MZT2B: variants seen among roughly 807,000 people sequenced by gnomAD.
The protein encoded by MZT2B is mitotic spindle organizing protein 2B.
A neutral mutation model predicts 12.1 loss-of-function variants in MZT2B; 11 were observed. The ratio of observed to expected loss-of-function variants is 0.91; its 90% CI spans 0.57 to 1.50. MZT2B has a LOEUF of 1.50. Ranked by LOEUF, MZT2B falls within the 40% of genes most tolerant of loss-of-function variation. MZT2B has a pLI of 0.00. For missense variants in MZT2B, 209 were observed against 227.7 expected (o/e 0.92, Z 0.53); for synonymous variants, 85 against 109.5 (o/e 0.78, Z 1.40).
At chr2:130,194,022 G>A (rs760380783), downstream of MZT2B, 3 of 1,614,224 alleles carry the variant, frequency 1.9e-6, no homozygotes, top group Non-Finnish European at 2.5e-6. Flanking sequence ...GAGATGACTG[G>A]GGCGTAGGTG....
At chr2:130,181,701 G>C (rs917723794), upstream of MZT2B, 6 of 1,548,478 alleles carry the variant, frequency 3.9e-6, no homozygotes, top group African/African-American at 2.7e-5. Context: ...GCGAAGGCCG[G>C]CCGGGCGGGG....
chr2:130,193,252 AAAAT>A (rs1044147043), downstream of MZT2B, among the ~76,000 whole-genome samples: 4 of 151,914 alleles, frequency 2.6e-5, no homozygotes, highest in South Asian at 2.1e-4. Flanking sequence ...CCTGTCTCAA[AAAAT>A]AAATAAATAA....
rs17017149 is a variant in MZT2B, at chr2:130,182,414, G to T, written c.132G>T (p.Ala44=). 5.2e-5 allele frequency: 82 copies of T among 1,564,774 alleles called. No individual in the cohort carries two copies. In the African/African-American group the frequency reaches 9.1e-4, roughly 17 times the overall value. Residue 44 remains alanine, a synonymous_variant, in exon 1 of 3, where the codon GCG becomes GCT. Coordinates refer to ENST00000281871, the MANE Select transcript of MZT2B (RefSeq NM_025029.5). The part of the protein sequence containing the change: ...STEEMELYEL[A]QAAGGAIDPD... ...AGGAGATGGAGCTGTACGAGCTGGC[G>T]CAGGCGGCGGGCGGCGCTATCGACC...
At chr2:130,188,113 C>G (rs1341896361) in intron 2 of MZT2B, 1 of 152,100 alleles carries the variant, frequency 6.6e-6, no homozygotes, top group Non-Finnish European at 1.5e-5. Flanking sequence ...TCCCTCTCAT[C>G]CTTGTTTCCA....
rs1198868478 is a variant in MZT2B at position 130,186,963 on chromosome 2, TC to T, written c.320-3503del. Among the ~76,000 whole-genome samples, 3 of 122,342 alleles carry T rather than the reference TC, an allele frequency of 2.5e-5. 1 individual carries two copies. The highest frequency in any genetic ancestry group is 9.0e-5 in the Admixed American group (1 of 11,126). 80.3% of individuals were successfully genotyped at this position (122,342 alleles called of 152,430 possible). A position where few individuals can be genotyped will look rare whatever the true frequency, so the allele number is the denominator to read the frequency against. ...GCTGGGCATTGGTTCACACCTGTAA[TC>T]CCAGCACTTTGGGAGGCTGAGGCAG... On this transcript the variant is annotated intron_variant, in intron 2 of 2. Transcript: ENST00000281871.
chr2:130,191,008 G>T (rs1356065039), downstream of MZT2B, among the ~76,000 whole-genome samples: 3 of 152,100 alleles, frequency 2.0e-5, no homozygotes, highest in Non-Finnish European at 4.4e-5. Context: ...GGAGTGCAGT[G>T]GTGCGATCTC....
chr2:130,200,527 G>T, the MZT2B span, among the ~76,000 whole-genome samples: 1 of 152,328 alleles, frequency 6.6e-6, no homozygotes, highest in Non-Finnish European at 1.5e-5. Context: ...CAGGGCATGA[G>T]TACAAGGCGT....
At chr2:130,184,349 G>C in intron 2 of MZT2B, 1 of 985,466 alleles carries the variant, frequency 1.0e-6, no homozygotes, top group Non-Finnish European at 1.2e-6. Context: ...ATCTGGACAG[G>C]AAGTCTGGAG....
chr2:130,188,876 C>T (rs1339938370), intron 2 of MZT2B, among the ~76,000 whole-genome samples: 1 of 152,022 alleles, frequency 6.6e-6, no homozygotes, highest in East Asian at 1.9e-4. Flanking sequence ...CAGAAATGAC[C>T]TAATGGATCT....
chr2:130,195,120 T>C, downstream of MZT2B: 1 of 1,612,442 alleles, frequency 6.2e-7, no homozygotes, highest in East Asian at 2.2e-5. Context: ...ACAATCTCCT[T>C]GCCGATGGTG....
downstream of MZT2B, chr2:130,194,137 C>T (rs1414133091): frequency 2.5e-6 from 4 of 1,613,936 alleles, no homozygotes; most frequent in Admixed American, 3.3e-5. Flanking sequence ...TGATGGAGGA[C>T]ACGATCTGCC....
chr2:130,184,424 G>A (rs1362072076), intron 2 of MZT2B: 3 of 985,324 alleles, frequency 3.0e-6, no homozygotes, highest in Non-Finnish European at 3.6e-6. Flanking sequence ...GCCATATGCT[G>A]GCCCCGTGGC....
chr2:130,200,056 A>T, the MZT2B span, among the ~76,000 whole-genome samples: 2 of 151,150 alleles, frequency 1.3e-5, no homozygotes, highest in East Asian at 2.0e-4. Context: ...AGATCATGCC[A>T]TTGCACTCCA....
intron 2 of MZT2B, chr2:130,183,696 G>A (rs192649106): frequency 4.5e-6 from 7 of 1,549,242 alleles, no homozygotes; most frequent in Admixed American, 3.9e-5. Context: ...ACCCACACCC[G>A]CTGACCCAAG....
At chr2:130,182,184 GC>G, upstream of MZT2B, 3 of 1,258,574 alleles carry the variant, frequency 2.4e-6, no homozygotes, top group Non-Finnish European at 3.0e-6. Context: ...CGCCAGGGCA[GC>G]CCGGGAGGCC....
chr2:130,201,498 T>C, the MZT2B span, among the ~76,000 whole-genome samples: 1 of 152,138 alleles, frequency 6.6e-6, no homozygotes, highest in Non-Finnish European at 1.5e-5. Flanking sequence ...CCCACCCTTA[T>C]GACCTCACTT....
intron 2 of MZT2B, chr2:130,188,396 T>C (rs1014785277): frequency 6.0e-6 from 1 of 167,126 alleles, no homozygotes; most frequent in Non-Finnish European, 1.5e-5. Flanking sequence ...CGTCTGCTCA[T>C]GGAAGACAGA....
At chr2:130,195,050 A>AT (rs1690369897), downstream of MZT2B, 1 of 1,611,100 alleles carries the variant, frequency 6.2e-7, no homozygotes, top group African/African-American at 1.3e-5. Flanking sequence ...CATGCAAGAC[A>AT]ATGGCCACAT....
downstream of MZT2B, among the ~76,000 whole-genome samples, chr2:130,193,630 C>T (rs118018454): frequency 0.013 from 1,891 of 146,202 alleles, 91 homozygotes; most frequent in East Asian, 0.16. Flanking sequence ...AAAAAAAAAT[C>T]ACTGAATCAA....
Sources: gnomAD v4.1 joint callset for allele counts (sites outside exome capture counted in the v4.1 genomes callset) on GRCh38, gnomAD v4.1.1 for gene constraint, MANE v1.5 for transcripts, NCBI Gene and HGNC (gene_info 2026-07-23, HGNC 2026-07-21) for gene names.